TENM3: variants seen among roughly 807,000 people sequenced by gnomAD.
TENM3 encodes teneurin transmembrane protein 3.
TENM3 carries 63 observed loss-of-function variants against 255.1 expected under a neutral mutation model. The observed-to-expected ratio is 0.25, with a 90% CI of 0.20 to 0.30. The LOEUF is 0.30. TENM3 is among the 10% of genes least tolerant of loss of function. The pLI is 1.00. For synonymous variants in TENM3, 1,306 were observed against 1,322.3 expected, an observed-to-expected ratio of 0.99 and a Z score of 0.27; for missense variants, 2,929 against 3,461.1, an observed-to-expected ratio of 0.85 and a Z score of 3.86.
intron 3 of TENM3, among the ~76,000 whole-genome samples, chr4:182,553,712 G>A (rs775812740): frequency 2.0e-4 from 30 of 152,166 alleles, no homozygotes; most frequent in Non-Finnish European, 4.0e-4. Flanking sequence ...CATTCTTGCC[G>A]TTAGCGTTTA....
At chr4:181,790,835 A>G in the TENM3 span, among the ~76,000 whole-genome samples, 9 of 152,178 alleles carry the variant, frequency 5.9e-5, no homozygotes, top group East Asian at 1.9e-4. Flanking sequence ...ATCTTCCTCA[A>G]TGGAAATTTC....
chr4:182,057,708 G>A, the TENM3 span, among the ~76,000 whole-genome samples: 3,921 of 151,956 alleles, frequency 0.026, 167 homozygotes, highest in African/African-American at 0.088. Flanking sequence ...GCCCCAAATC[G>A]TTCATTTCAC....
At chr4:181,692,848 T>C in the TENM3 span, among the ~76,000 whole-genome samples, 18 of 152,196 alleles carry the variant, frequency 1.2e-4, no homozygotes, top group African/African-American at 4.3e-4. Context: ...AGGTGAGATA[T>C]CAGCTTTCCA....
the TENM3 span, among the ~76,000 whole-genome samples, chr4:182,111,782 T>C: frequency 6.6e-6 from 1 of 152,174 alleles, no homozygotes; most frequent in Non-Finnish European, 1.5e-5. Context: ...CAAGCTCTGT[T>C]TGCTGTAACA....
upstream of TENM3, among the ~76,000 whole-genome samples, chr4:182,140,993 C>CCCG (rs1749371123): frequency 6.7e-6 from 1 of 149,542 alleles, no homozygotes. Flanking sequence ...ATATCCCTCC[C>CCCG]CCCCGCCCCC....
the TENM3 span, among the ~76,000 whole-genome samples, chr4:181,702,566 AT>A: frequency 5.3e-5 from 8 of 152,216 alleles, no homozygotes. Flanking sequence ...TAAAAAACAA[AT>A]GGAGTGATTT....
intron 1 of TENM3, among the ~76,000 whole-genome samples, chr4:182,274,878 C>G (rs1377905173): frequency 6.6e-6 from 1 of 152,058 alleles, no homozygotes; most frequent in Non-Finnish European, 1.5e-5. Context: ...GGCTAGGGTA[C>G]AGTGGTGCCA....
chr4:182,674,543 T>C (rs1755499825), intron 7 of TENM3, among the ~76,000 whole-genome samples: 1 of 152,132 alleles, frequency 6.6e-6, no homozygotes, highest in South Asian at 2.1e-4. Flanking sequence ...AAATTTTATA[T>C]TTTTGTTTGT....
the TENM3 span, among the ~76,000 whole-genome samples, chr4:181,846,161 T>C: frequency 6.6e-6 from 1 of 152,192 alleles, no homozygotes; most frequent in African/African-American, 2.4e-5. Context: ...ATGAATATCT[T>C]TAAAACATTA....
At chr4:182,139,878 T>C (rs1376221037), upstream of TENM3, among the ~76,000 whole-genome samples, 1 of 152,168 alleles carries the variant, frequency 6.6e-6, no homozygotes, top group Non-Finnish European at 1.5e-5. Context: ...AGAAGCATGG[T>C]CCCAATTAAA....
chr4:182,415,650 T>A (rs1349579008), intron 3 of TENM3, among the ~76,000 whole-genome samples: 1 of 152,044 alleles, frequency 6.6e-6, no homozygotes, highest in East Asian at 1.9e-4. Context: ...TTTTCATATA[T>A]GACAGTGGGT....
At chr4:182,448,464 C>T (rs1378834821) in intron 3 of TENM3, among the ~76,000 whole-genome samples, 1 of 152,166 alleles carries the variant, frequency 6.6e-6, no homozygotes, top group East Asian at 1.9e-4. Flanking sequence ...GGCCGTGGGG[C>T]GTGTGGGTGA....
intron 3 of TENM3, among the ~76,000 whole-genome samples, chr4:182,576,339 TAAAAAC>T (rs1293886170): frequency 1.3e-5 from 2 of 152,218 alleles, no homozygotes; most frequent in African/African-American, 2.4e-5. Context: ...TGTGGACTGT[TAAAAAC>T]AAAGAAAGGT....
intron 3 of TENM3, among the ~76,000 whole-genome samples, chr4:182,557,138 A>G (rs1040499633): frequency 6.6e-6 from 1 of 152,214 alleles, no homozygotes; most frequent in Non-Finnish European, 1.5e-5. Context: ...ATAAAATCTC[A>G]TGTAAAATCA....
the TENM3 span, among the ~76,000 whole-genome samples, chr4:182,113,401 C>G: frequency 6.6e-6 from 1 of 152,066 alleles, no homozygotes. Flanking sequence ...AAAGAACTCA[C>G]AGAGAGGAGA....
the TENM3 span, among the ~76,000 whole-genome samples, chr4:181,685,161 T>C: frequency 3.3e-5 from 5 of 152,150 alleles, no homozygotes; most frequent in Non-Finnish European, 2.9e-5. Flanking sequence ...AAATCATTTC[T>C]TCTACTCTTC....
At chr4:181,459,952 C>T in the TENM3 span, among the ~76,000 whole-genome samples, 2 of 151,922 alleles carry the variant, frequency 1.3e-5, no homozygotes, top group Non-Finnish European at 2.9e-5. Context: ...TCTCTCTTCA[C>T]TGATTTTCAC....
chr4:182,746,515 G>A (rs1315382218), intron 19 of TENM3, among the ~76,000 whole-genome samples: 1 of 152,164 alleles, frequency 6.6e-6, no homozygotes, highest in African/African-American at 2.4e-5. Flanking sequence ...CAGGCAGAAA[G>A]GCAGGGGAGG....
At chr4:181,762,898 C>T in the TENM3 span, among the ~76,000 whole-genome samples, 4 of 140,772 alleles carry the variant, frequency 2.8e-5, no homozygotes, top group Non-Finnish European at 6.1e-5. Context: ...TTACAATTTA[C>T]ATATTACAGA....
Sources: allele counts gnomAD v4.1 joint callset (sites outside exome capture counted in the v4.1 genomes callset), GRCh38; gene constraint gnomAD v4.1.1; transcripts MANE v1.5; gene names NCBI Gene and HGNC (gene_info 2026-07-23, HGNC 2026-07-21).